The following ITIH5 variants were observed in gnomAD, a reference collection of about 807,000 sequenced individuals.
The protein encoded by ITIH5 is inter-alpha-trypsin inhibitor heavy chain H5.
A neutral mutation model predicts 77.5 loss-of-function variants in ITIH5; 65 were observed. The ratio of observed to expected loss-of-function variants is 0.84; its 90% CI spans 0.69 to 1.03. The LOEUF is 1.03. ITIH5 is among the 50% of genes least tolerant of loss of function. The pLI is 0.00. For synonymous variants in ITIH5, 525 were observed against 494.3 expected, an observed-to-expected ratio of 1.06 and a Z score of -0.82; for missense variants, 1,208 against 1,213.1, an observed-to-expected ratio of 1.00 and a Z score of 0.06.
chr10:7,584,293 TTC>T (rs1832627031), intron 8 of ITIH5, among the ~76,000 whole-genome samples: 1 of 125,292 alleles, frequency 8.0e-6, no homozygotes, highest in African/African-American at 3.0e-5. Flanking sequence ...GCCATTTTCT[TTC>T]TTTCTTTTTT....
At chr10:7,627,209 C>T (rs141916803) in intron 5 of ITIH5, among the ~76,000 whole-genome samples, 4,074 of 151,554 alleles carry the variant, frequency 0.027, 203 homozygotes, top group African/African-American at 0.094. Context: ...ACCTAGATGA[C>T]GGGTTGATGG....
At chr10:7,572,298 G>A in intron 11 of ITIH5, 1 of 1,365,930 alleles carries the variant, frequency 7.3e-7, no homozygotes, top group South Asian at 1.1e-5. Context: ...CCAGTCATAG[G>A]TTGTTCTTTC....
At chr10:7,626,318 G>C (rs558070525) in intron 5 of ITIH5, among the ~76,000 whole-genome samples, 1 of 152,144 alleles carries the variant, frequency 6.6e-6, no homozygotes, top group Non-Finnish European at 1.5e-5. Context: ...TGGGTTGACC[G>C]TGCCACGCTC....
chr10:7,622,227 A>C (rs1477458613), intron 5 of ITIH5: 1 of 152,246 alleles, frequency 6.6e-6, no homozygotes, highest in Non-Finnish European at 1.5e-5. Context: ...TCTAAAGCCC[A>C]GTATTTTAGA....
At chr10:7,564,261 G>A (rs1832096487) in intron 13 of ITIH5, among the ~76,000 whole-genome samples, 1 of 152,170 alleles carries the variant, frequency 6.6e-6, no homozygotes, top group African/African-American at 2.4e-5. Context: ...ACAAAGCCCA[G>A]GAAGGAATCT....
intron 7 of ITIH5, among the ~76,000 whole-genome samples, chr10:7,600,349 A>G (rs955825226): frequency 1.3e-5 from 2 of 152,156 alleles, no homozygotes; most frequent in African/African-American, 4.8e-5. Context: ...CCCCTGAAAC[A>G]TGCTTCTGTC....
At chr10:7,643,966 C>T (rs948965560) in intron 2 of ITIH5, among the ~76,000 whole-genome samples, 3 of 152,164 alleles carry the variant, frequency 2.0e-5, no homozygotes, top group Admixed American at 1.3e-4. Context: ...ACCGGCTGGG[C>T]GCGGTGGCTC....
At chr10:7,579,386 G>A (rs575705295) in intron 9 of ITIH5, among the ~76,000 whole-genome samples, 5 of 152,318 alleles carry the variant, frequency 3.3e-5, no homozygotes, top group African/African-American at 9.6e-5. Flanking sequence ...TTAGCCAGGC[G>A]TGGTGGTGTG....
Position 7,586,910 on chromosome 10 carries a change from A to C in ITIH5, c.940-841T>G, listed in dbSNP as rs542178480. On this transcript the variant is annotated intron_variant, in intron 7 of 13. Coordinates refer to ENST00000397146, the MANE Select transcript of ITIH5 (RefSeq NM_030569.7). ...CAGTGGCGCGATCTCAGCTCACTGC[A>C]ACCTCTGCCTCCCAGGTTCAAGCGA... Among the ~76,000 whole-genome samples, 27 of 152,210 alleles carry C rather than the reference A, an allele frequency of 1.8e-4. No homozygotes were observed. In the East Asian group the frequency reaches 4.8e-3, roughly 27 times the overall value.
intron 7 of ITIH5, among the ~76,000 whole-genome samples, chr10:7,599,151 G>T (rs180809349): frequency 6.6e-6 from 1 of 152,264 alleles, no homozygotes; most frequent in Non-Finnish European, 1.5e-5. Flanking sequence ...ATAACTCAGG[G>T]CTAGAAATAG....
At chr10:7,577,606 G>C (rs1832451288) in intron 9 of ITIH5, among the ~76,000 whole-genome samples, 1 of 152,218 alleles carries the variant, frequency 6.6e-6, no homozygotes, top group Non-Finnish European at 1.5e-5. Flanking sequence ...TGACTTTCGT[G>C]AGTTTGTGCG....
Position 7,597,044 on chromosome 10 carries a change from C to CA in ITIH5, c.940-10976dup, listed in dbSNP as rs71383924. Among the ~76,000 whole-genome samples, 269 of 36,922 alleles carry CA rather than the reference C, an allele frequency of 7.3e-3. 8 individuals carry two copies. Among genetic ancestry groups the CA allele is most frequent in the African/African-American group, 0.016 (246 of 15,486 alleles). The allele number at this position is 36,922 out of a possible 152,430, so 24.2% of individuals were successfully genotyped here. The stretch of plus-strand genomic sequence containing the variant: ...CTGGGTGCAGAGTGAGTCTCCAACT[C>CA]AAAAAAAAAAAAAAAAAAAATTCCA... On this transcript the variant is annotated intron_variant, in intron 7 of 13. Coordinates refer to ENST00000397146, the MANE Select transcript of ITIH5 (RefSeq NM_030569.7).
At chr10:7,612,144 A>G (rs1833258853) in intron 7 of ITIH5, among the ~76,000 whole-genome samples, 1 of 152,230 alleles carries the variant, frequency 6.6e-6, no homozygotes. Context: ...GGCATGCGTC[A>G]GGCATTTCTA....
intron 7 of ITIH5, among the ~76,000 whole-genome samples, chr10:7,612,682 A>C (rs912774111): frequency 2.3e-4 from 35 of 150,658 alleles, no homozygotes; most frequent in African/African-American, 7.3e-4. Flanking sequence ...TTTAGAAAGG[A>C]AAAGAAAGAA....
At chr10:7,625,541 G>A (rs1466359930) in intron 5 of ITIH5, among the ~76,000 whole-genome samples, 2 of 152,176 alleles carry the variant, frequency 1.3e-5, no homozygotes, top group African/African-American at 2.4e-5. Flanking sequence ...AAGGCAGGTA[G>A]ATCACTTGAT....
intron 12 of ITIH5, among the ~76,000 whole-genome samples, chr10:7,566,735 A>G (rs1564232296): frequency 5.5e-5 from 2 of 36,228 alleles, no homozygotes; most frequent in African/African-American, 2.1e-4. Context: ...AAAAAAAAAA[A>G]AAAAAAGAAG....
chr10:7,637,297 C>T lies in ITIH5; in HGVS notation c.583G>A (p.Ala195Thr), dbSNP rs747244720. 4 of 1,613,118 alleles carry T rather than the reference C, an allele frequency of 2.5e-6. No individual in the cohort carries two copies. Among genetic ancestry groups the T allele is most frequent in the Admixed American group, 3.3e-5 (2 of 60,008 alleles). The change falls in exon 5 of 14, where the codon GCG (alanine) becomes ACG (threonine). Residue 195 changes from alanine (A) to threonine (T), a missense_variant. Physicochemically the swap from Ala to Thr is moderately conservative, Grantham distance 58. Transcript: ENST00000397146. ...AGCACCTCCAGGGATGCGATGCCCG[C>T]GCTCTCCAGGATATTCACGTCCACG... ...LSVDVNILESAGIASLEVLPL... is the reference protein window; with the variant it reads ...LSVDVNILESTGIASLEVLPL...
chr10:7,615,987 G>T lies in ITIH5; in HGVS notation c.934C>A (p.Arg312=), dbSNP rs368025989. The change falls in exon 7 of 14, where the codon CGG becomes AGG. Residue 312 remains arginine, a synonymous_variant. Coordinates refer to ENST00000397146, the MANE Select transcript of ITIH5 (RefSeq NM_030569.7). The part of the protein sequence containing the change: ...SSASMVGTKL[R]QTKDALFTIL... ...GGCGGTTGGCACTCACTCACCTGCC[G>T]GAGTTTGGTTCCCACCATAGAAGCA... 6.3e-7 allele frequency: 1 copy of T among 1,587,004 alleles called. No homozygotes were observed. Among genetic ancestry groups the T allele is most frequent in the East Asian group, 2.2e-5 (1 of 44,746 alleles).
Position 7,641,826 on chromosome 10 carries a change from A to G in ITIH5, c.299+101T>C, listed in dbSNP as rs1588421747. On this transcript the variant is annotated intron_variant, in intron 3 of 13. Transcript: ENST00000397146. ...TTCTGATCTATATACCATCTACTGG[A>G]ATATAAATCCTCACAGTCACAAGGC... The G allele has an allele frequency of 4.5e-6, 4 of 893,826 alleles. No individual in the cohort carries two copies. The East Asian group carries it at 7.3e-5, about 16-fold the overall frequency. The allele number at this position is 893,826 out of a possible 1,614,324, so 55.4% of individuals were successfully genotyped here. A position where few individuals can be genotyped will look rare whatever the true frequency, so the allele number is the denominator to read the frequency against.
Sources: allele counts gnomAD v4.1 joint callset (sites outside exome capture counted in the v4.1 genomes callset), GRCh38; gene constraint gnomAD v4.1.1; transcripts MANE v1.5; gene names NCBI Gene and HGNC (gene_info 2026-07-23, HGNC 2026-07-21).